TSNARE1: variants seen among roughly 807,000 people sequenced by gnomAD.
TSNARE1 encodes t-SNARE domain-containing protein 1.
A neutral mutation model predicts 62.0 loss-of-function variants in TSNARE1; 49 were observed. The observed-to-expected ratio is 0.79, with a 90% CI of 0.63 to 1.00. TSNARE1 has a LOEUF of 1.00. Ranked by LOEUF, TSNARE1 falls within the 50% of genes least tolerant of loss-of-function variation. The pLI is 0.00. For synonymous variants in TSNARE1, 328 were observed against 294.4 expected, an observed-to-expected ratio of 1.11 and a Z score of -1.17; for missense variants, 755 against 700.1, an observed-to-expected ratio of 1.08 and a Z score of -0.88.
chr8:142,305,177 C>T (rs973988478), intron 9 of TSNARE1, among the ~76,000 whole-genome samples: 1 of 152,144 alleles, frequency 6.6e-6, no homozygotes, highest in African/African-American at 2.4e-5. Context: ...CACCACAGGA[C>T]GTTCTGTGCG....
In TSNARE1 at chr8:142,234,504, C is replaced by A. The variant is rs558341881; in HGVS notation, c.1447-4925G>T. Among the ~76,000 whole-genome samples the A allele has an allele frequency of 2.6e-5, 4 of 152,222 alleles. No homozygotes were observed. In the East Asian group the frequency reaches 5.8e-4, roughly 22 times the overall value. On this transcript the variant is annotated intron_variant, in intron 12 of 13. Coordinates refer to ENST00000524325, the MANE Select transcript of TSNARE1 (RefSeq NM_145003.5). The stretch of plus-strand genomic sequence containing the variant: ...GGAAAGCTCCAAGATAGCTCCATGA[C>A]CCCAACCATGGGTTCAGGGAAAGCT...
chr8:142,335,844 G>C (rs555555852), intron 4 of TSNARE1, among the ~76,000 whole-genome samples: 1 of 152,278 alleles, frequency 6.6e-6, no homozygotes, highest in African/African-American at 2.4e-5. Context: ...CACATTTCAA[G>C]TGCCCAGGAG....
chr8:142,357,103 C>G (rs1834806236), intron 1 of TSNARE1, among the ~76,000 whole-genome samples: 1 of 152,202 alleles, frequency 6.6e-6, no homozygotes. Context: ...CCTGCACAGG[C>G]ACTTCTCCAT....
chr8:142,273,199 C>T (rs1358655723), intron 12 of TSNARE1: 1 of 985,092 alleles, frequency 1.0e-6, no homozygotes, highest in Non-Finnish European at 1.2e-6. Context: ...CCTTCACCTC[C>T]TCCTCTTCCT....
chr8:142,395,102 C>T (rs1054460598), intron 1 of TSNARE1, among the ~76,000 whole-genome samples: 6 of 151,788 alleles, frequency 4.0e-5, no homozygotes, highest in African/African-American at 1.5e-4. Context: ...CGGCCCCGTG[C>T]ATCAAAGGCT....
chr8:142,318,290 C>T (rs572899873), intron 7 of TSNARE1, among the ~76,000 whole-genome samples: 1 of 152,342 alleles, frequency 6.6e-6, no homozygotes, highest in African/African-American at 2.4e-5. Context: ...CCCACTACTG[C>T]ATAAGCCAAG....
At chr8:142,381,842 G>A (rs963001843) in intron 1 of TSNARE1, among the ~76,000 whole-genome samples, 11 of 152,212 alleles carry the variant, frequency 7.2e-5, no homozygotes, top group African/African-American at 2.4e-4. Flanking sequence ...TGCCTGCCTT[G>A]GCATTGGGAA....
intron 12 of TSNARE1, among the ~76,000 whole-genome samples, chr8:142,253,156 G>A (rs1818258868): frequency 6.6e-6 from 1 of 152,228 alleles, no homozygotes; most frequent in South Asian, 2.1e-4. Context: ...TGAGAGTGCG[G>A]AGGTGGACAG....
intron 12 of TSNARE1, chr8:142,271,241 G>A (rs1819504574): frequency 9.8e-7 from 1 of 1,015,566 alleles, no homozygotes; most frequent in Non-Finnish European, 1.2e-6. Context: ...TTCCCGGGTA[G>A]GGCGTGCTTC....
intron 1 of TSNARE1, among the ~76,000 whole-genome samples, chr8:142,357,069 G>A (rs1263536018): frequency 4.6e-5 from 7 of 152,076 alleles, no homozygotes; most frequent in Admixed American, 2.6e-4. Flanking sequence ...CGAAGACACC[G>A]CAGAGTCAGA....
At chr8:142,277,294 T>C (rs1820659200) in intron 11 of TSNARE1, 1 of 985,158 alleles carries the variant, frequency 1.0e-6, no homozygotes, top group African/African-American at 1.7e-5. Context: ...GAGAGCAGCC[T>C]TTGGGACCGC....
intron 6 of TSNARE1, among the ~76,000 whole-genome samples, chr8:142,320,229 T>G (rs1473278397): frequency 6.6e-6 from 1 of 152,148 alleles, no homozygotes; most frequent in African/African-American, 2.4e-5. Flanking sequence ...AGTCCAAACC[T>G]CAGAGCTCAC....
chr8:142,353,816 C>T (rs1224031532), intron 2 of TSNARE1, among the ~76,000 whole-genome samples: 3 of 151,988 alleles, frequency 2.0e-5, no homozygotes, highest in Non-Finnish European at 2.9e-5. Context: ...GCTGGGAGGA[C>T]GCTCACTCCC....
In TSNARE1 at chr8:142,316,151, A is replaced by G. The variant is rs947215803; in HGVS notation, c.985-1059T>C. ...TATTCTTGGATGAAGGAGTAAATGA[A>G]TAAGTGACTCAGGCACACCTGAGTC... On this transcript the variant is annotated intron_variant, in intron 7 of 13. Transcript: ENST00000524325. 9.2e-5 allele frequency among the ~76,000 whole-genome samples: 14 copies of G among 151,926 alleles called. 1 individual carries two copies. The highest frequency in any genetic ancestry group is 7.9e-4 in the Admixed American group (12 of 15,108).
At chr8:142,293,038 T>C (rs1824071424) in intron 10 of TSNARE1, among the ~76,000 whole-genome samples, 1 of 152,014 alleles carries the variant, frequency 6.6e-6, no homozygotes, top group Admixed American at 6.5e-5. Flanking sequence ...GGACCCCACA[T>C]GAAGAAATCC....
At chr8:142,287,452 G>A (rs1410953450) in intron 10 of TSNARE1, among the ~76,000 whole-genome samples, 9 of 102,722 alleles carry the variant, frequency 8.8e-5, no homozygotes, top group African/African-American at 7.9e-5. Context: ...CCAGGTCGTG[G>A]AACCCAGGAC....
Position 142,354,695 on chromosome 8 carries a change from A to G in TSNARE1, c.30T>C (p.Gly10=). The change falls in exon 2 of 14, where the codon GGT becomes GGC. Residue 10 remains glycine, a synonymous_variant. Transcript: ENST00000524325. ...CGAAAGGGCCACGGCTCCCCAGGCC[A>G]CCTCCACGGGCGATGGATCCGTATG... MSYGSIARG[G]GLGSRGPFGG... 1 of 1,612,528 alleles carries G rather than the reference A, an allele frequency of 6.2e-7. No individual in the cohort carries two copies. Among genetic ancestry groups the G allele is most frequent in the Non-Finnish European group, 8.5e-7 (1 of 1,179,554 alleles).
At chr8:142,232,309 T>C (rs1457845494) in intron 12 of TSNARE1, among the ~76,000 whole-genome samples, 1 of 152,222 alleles carries the variant, frequency 6.6e-6, no homozygotes, top group African/African-American at 2.4e-5. Flanking sequence ...CTCATACTCC[T>C]CTTCAGTTGG....
chr8:142,230,372 G>A (rs951419518), intron 12 of TSNARE1, among the ~76,000 whole-genome samples: 3 of 152,222 alleles, frequency 2.0e-5, no homozygotes, highest in African/African-American at 4.8e-5. Flanking sequence ...ATTGGGATGA[G>A]ACAGTCCTGC....
Sources: gnomAD v4.1 joint callset for allele counts (sites outside exome capture counted in the v4.1 genomes callset) on GRCh38, gnomAD v4.1.1 for gene constraint, MANE v1.5 for transcripts, NCBI Gene and HGNC (gene_info 2026-07-23, HGNC 2026-07-21) for gene names.